FGF13: variants seen among roughly 807,000 people sequenced by gnomAD.
FGF13 encodes fibroblast growth factor homologous factor 2.
A neutral mutation model predicts 19.5 loss-of-function variants in FGF13; 2 were observed. The observed-to-expected ratio is 0.10, with a 90% CI of 0.04 to 0.32. FGF13 has a LOEUF of 0.32. FGF13 is among the 10% of genes least tolerant of loss of function. FGF13 has a pLI of 1.00. For synonymous variants in FGF13, 72 were observed against 76.9 expected, an observed-to-expected ratio of 0.94 and a Z score of 0.33; for missense variants, 113 against 192.7, an observed-to-expected ratio of 0.59 and a Z score of 2.45.
At chrX:139,048,610 A>C (rs2124410618) in intron 1 of FGF13, among the ~76,000 whole-genome samples, 1 of 104,899 alleles carries the variant, frequency 9.5e-6, no homozygotes, top group Non-Finnish European at 1.9e-5. Flanking sequence ...TTAATCTCAC[A>C]TAGATTGTAT....
intron 1 of FGF13, among the ~76,000 whole-genome samples, chrX:138,926,931 G>T (rs2124252253): frequency 9.0e-6 from 1 of 111,543 alleles, no homozygotes; most frequent in East Asian, 2.8e-4. Flanking sequence ...ACTCCAGCCT[G>T]GGCGACAAAG....
rs184987603 is a variant in FGF13 at position 138,623,989 on chromosome X, T to A, written c.*8861A>T. ...TGTGTTCATAGTTTGGAAGAATTAA[T>A]TTTGCAAAAATGTTGATACTAACCA... On this transcript the variant is annotated 3_prime_UTR_variant, in exon 5 of 5. Transcript: ENST00000315930. The A allele has an allele frequency of 5.4e-5, 6 of 111,555 alleles. No homozygotes were observed. The East Asian group carries it at 1.7e-3, about 32-fold the overall frequency. 9.2% of individuals were successfully genotyped at this position (111,555 alleles called of 1,213,427 possible). A position where few individuals can be genotyped will look rare whatever the true frequency, so the allele number is the denominator to read the frequency against.
chrX:139,156,688 C>T (rs1454166298), intron 1 of FGF13, among the ~76,000 whole-genome samples: 1 of 111,754 alleles, frequency 8.9e-6, no homozygotes, highest in Admixed American at 9.5e-5. Flanking sequence ...CATATTCTAC[C>T]ATTCTTAACA....
intron 1 of FGF13, among the ~76,000 whole-genome samples, chrX:138,981,776 C>T (rs1418906998): frequency 1.8e-5 from 2 of 111,331 alleles, no homozygotes; most frequent in Non-Finnish European, 3.8e-5. Flanking sequence ...CCTTCTCATA[C>T]TCAGTCCCCT....
At chrX:139,147,195 A>G (rs1483500072) in intron 1 of FGF13, among the ~76,000 whole-genome samples, 1 of 108,887 alleles carries the variant, frequency 9.2e-6, no homozygotes, top group African/African-American at 3.4e-5. Context: ...CTATGGAAAT[A>G]AAAAATTTAA....
chrX:139,046,853 G>A (rs189370759), intron 1 of FGF13, among the ~76,000 whole-genome samples: 25 of 111,749 alleles, frequency 2.2e-4, no homozygotes, highest in African/African-American at 8.1e-4. Context: ...GAACAATAAA[G>A]GGTTAAAGAC....
chrX:138,833,259 C>G (rs968330672), intron 3 of FGF13, among the ~76,000 whole-genome samples: 1 of 112,075 alleles, frequency 8.9e-6, no homozygotes, highest in African/African-American at 3.2e-5. Context: ...GGCAATAAGG[C>G]CATTTTAACA....
At chrX:138,816,621 A>G (rs2090963362) in intron 3 of FGF13, among the ~76,000 whole-genome samples, 1 of 112,601 alleles carries the variant, frequency 8.9e-6, no homozygotes, top group African/African-American at 3.2e-5. Context: ...TCAAAATTAA[A>G]ACTTTAACAA....
At position 138,623,178 on chromosome X, in the gene FGF13, T is replaced by C. The variant is rs181932749; in HGVS notation, c.*9672A>G. ...CCCACTTGATTATGGTGAATGATCCTTTAAATGTGATGTTAAGTTCTTTTA... is the reference window on the plus strand; with the variant it reads ...CCCACTTGATTATGGTGAATGATCCCTTAAATGTGATGTTAAGTTCTTTTA... On this transcript the variant is annotated 3_prime_UTR_variant, in exon 5 of 5. Transcript: ENST00000315930. 3 of 111,598 alleles carry C rather than the reference T, an allele frequency of 2.7e-5. No homozygotes were observed. The highest frequency in any genetic ancestry group is 5.6e-5 in the Non-Finnish European group (3 of 53,120). The allele number at this position is 111,598 out of a possible 1,213,427, so 9.2% of individuals were successfully genotyped here. A position where few individuals can be genotyped will look rare whatever the true frequency, so the allele number is the denominator to read the frequency against.
intron 3 of FGF13, among the ~76,000 whole-genome samples, chrX:138,636,778 T>C (rs1003967032): frequency 9.0e-6 from 1 of 111,718 alleles, no homozygotes; most frequent in Non-Finnish European, 1.9e-5. Context: ...AAACAAATAT[T>C]GCAAGCTTTC....
intron 1 of FGF13, among the ~76,000 whole-genome samples, chrX:139,106,783 A>G (rs765912836): frequency 1.8e-5 from 2 of 112,333 alleles, no homozygotes; most frequent in African/African-American, 6.5e-5. Flanking sequence ...TAAACTCTTC[A>G]TAGCCAAGTG....
At chrX:138,790,535 T>G (rs1214801752) in intron 3 of FGF13, among the ~76,000 whole-genome samples, 4 of 110,961 alleles carry the variant, frequency 3.6e-5, no homozygotes, top group African/African-American at 1.3e-4. Context: ...CGAACCCACC[T>G]CAGAAATGAT....
intron 3 of FGF13, chrX:138,667,699 G>A (rs1266243852): frequency 4.6e-5 from 17 of 368,091 alleles, no homozygotes; most frequent in Admixed American, 4.5e-4. Flanking sequence ...TTGCCATACG[G>A]TGGTAGTCTG....
At chrX:138,710,320 G>T (rs2090031402) in intron 1 of FGF13, among the ~76,000 whole-genome samples, 1 of 97,749 alleles carries the variant, frequency 1.0e-5, no homozygotes, top group African/African-American at 3.9e-5. Flanking sequence ...AAGCTTAAAA[G>T]TCATCAAAGA....
chrX:139,083,764 G>A (rs768093460), intron 1 of FGF13, among the ~76,000 whole-genome samples: 21 of 111,532 alleles, frequency 1.9e-4, no homozygotes, highest in African/African-American at 5.2e-4. Context: ...CCAGCTACTC[G>A]GGAGGCTGAG....
chrX:139,203,985 G>C (rs1392723962), upstream of FGF13: 1 of 1,087,581 alleles, frequency 9.2e-7, no homozygotes, highest in Admixed American at 2.2e-5. Flanking sequence ...GGAGCCGCCG[G>C]AGGGCGGCGC....
At chrX:138,788,311 C>T (rs2090710348) in intron 3 of FGF13, among the ~76,000 whole-genome samples, 1 of 112,036 alleles carries the variant, frequency 8.9e-6, no homozygotes, top group Non-Finnish European at 1.9e-5. Flanking sequence ...TGAGAATAAT[C>T]CTTTTTGGCT....
At position 138,971,931 on chromosome X, in the gene FGF13, G is replaced by A. The variant is rs554722010; in HGVS notation, c.-112-107281C>T. Reference sequence around the variant, plus strand: ...AGATCAATTTTTTTAGATTCCACATGTAAGTGAGATCACATCATATTTGCC... The same window carrying A: ...AGATCAATTTTTTTAGATTCCACATATAAGTGAGATCACATCATATTTGCC... On this transcript the variant is annotated intron_variant, in intron 1 of 2. Transcript: ENST00000421460. Among the ~76,000 whole-genome samples the A allele has an allele frequency of 1.4e-4, 16 of 111,488 alleles. No individual in the cohort carries two copies. In the South Asian group the frequency reaches 5.4e-3, roughly 37 times the overall value.
chrX:138,932,069 T>G (rs749873003), intron 1 of FGF13, among the ~76,000 whole-genome samples: 3 of 109,985 alleles, frequency 2.7e-5, no homozygotes, highest in Non-Finnish European at 5.7e-5. Flanking sequence ...AGTTCACTCC[T>G]GCAATGCATC....
Sources: gnomAD v4.1 joint callset for allele counts (sites outside exome capture counted in the v4.1 genomes callset) on GRCh38, gnomAD v4.1.1 for gene constraint, MANE v1.5 for transcripts, NCBI Gene and HGNC (gene_info 2026-07-23, HGNC 2026-07-21) for gene names.